The following ENDOD1 variants were observed in gnomAD, a reference collection of about 807,000 sequenced individuals.
ENDOD1 encodes endonuclease domain-containing 1 protein.
ENDOD1 carries 9 observed loss-of-function variants against 6.5 expected under a neutral mutation model. That is an observed-to-expected ratio of 1.39 (90% CI 0.84 to 2.43). The LOEUF (loss-of-function observed/expected upper bound fraction) is 2.43, where lower values mean the gene tolerates loss of function less well. Ranked by LOEUF, ENDOD1 falls within the 30% of genes most tolerant of loss-of-function variation. The pLI is 0.00. For missense variants in ENDOD1, 648 were observed against 635.5 expected, an observed-to-expected ratio of 1.02 and a Z score of -0.21; for synonymous variants, 255 against 255.2, an observed-to-expected ratio of 1.00 and a Z score of 0.01.
intron 1 of ENDOD1, among the ~76,000 whole-genome samples, chr11:95,119,329 T>C (rs376115670): frequency 6.6e-6 from 1 of 152,224 alleles, no homozygotes; most frequent in Non-Finnish European, 1.5e-5. Context: ...TCCAGAGATA[T>C]GAAAGGACTT....
intron 1 of ENDOD1, among the ~76,000 whole-genome samples, chr11:95,126,165 C>G (rs1446130444): frequency 6.6e-6 from 1 of 152,164 alleles, no homozygotes; most frequent in African/African-American, 2.4e-5. Context: ...AATATTCTTG[C>G]CTTTATACCA....
chr11:95,090,371 C>T, intron 1 of ENDOD1, 144 bp downstream of exon 1: 1 of 1,144,246 alleles, frequency 8.7e-7, no homozygotes, highest in Non-Finnish European at 1.1e-6. Flanking sequence ...ACCCGGGTTC[C>T]AGGTCCACCC....
At chr11:95,094,660 C>G (rs1435456309) in intron 1 of ENDOD1, among the ~76,000 whole-genome samples, 6 of 152,240 alleles carry the variant, frequency 3.9e-5, no homozygotes, top group African/African-American at 1.2e-4. Context: ...CCATCCATGG[C>G]TTATACAACC....
At chr11:95,123,795 C>T (rs566021631) in intron 1 of ENDOD1, among the ~76,000 whole-genome samples, 3 of 152,058 alleles carry the variant, frequency 2.0e-5, no homozygotes, top group Admixed American at 6.6e-5. Flanking sequence ...AGCATTTTTC[C>T]GGCTGGGCGT....
intron 1 of ENDOD1, among the ~76,000 whole-genome samples, chr11:95,101,214 T>C (rs538725736): frequency 2.9e-4 from 44 of 152,312 alleles, no homozygotes; most frequent in African/African-American, 9.4e-4. Context: ...AATACATAAA[T>C]GAATGAGTAT....
chr11:95,108,276 A>G lies in ENDOD1; in HGVS notation c.300+18049A>G, dbSNP rs567422382. Among the ~76,000 whole-genome samples the G allele has an allele frequency of 1.3e-4, 20 of 152,136 alleles. No homozygotes were observed. In the East Asian group the frequency reaches 2.3e-3, roughly 18 times the overall value. On this transcript the variant is annotated intron_variant, in intron 1 of 1. Coordinates refer to ENST00000278505, the MANE Select transcript of ENDOD1 (RefSeq NM_015036.3). Reference sequence around the variant, plus strand: ...TGACTCGGGAGAGAGCTCTTTAGCCATTTGTCTTTGTTTTCCCACAGTTTG... The same window carrying G: ...TGACTCGGGAGAGAGCTCTTTAGCCGTTTGTCTTTGTTTTCCCACAGTTTG...
chr11:95,118,187 A>G (rs1286896480), intron 1 of ENDOD1, among the ~76,000 whole-genome samples: 3 of 152,110 alleles, frequency 2.0e-5, no homozygotes, highest in Non-Finnish European at 2.9e-5. Flanking sequence ...TCTACTTAAG[A>G]TTAAGAGTAG....
chr11:95,093,824 G>A (rs1179393734), intron 1 of ENDOD1, among the ~76,000 whole-genome samples: 1 of 152,120 alleles, frequency 6.6e-6, no homozygotes, highest in Non-Finnish European at 1.5e-5. Flanking sequence ...CTGCTCTGCA[G>A]CCACTCCATC....
intron 1 of ENDOD1, among the ~76,000 whole-genome samples, chr11:95,090,442 T>C (rs1410201888): frequency 1.3e-5 from 2 of 148,152 alleles, no homozygotes; most frequent in Non-Finnish European, 3.0e-5. Flanking sequence ...AGCCTGGCGA[T>C]CTGCGAGCCT....
intron 1 of ENDOD1, among the ~76,000 whole-genome samples, chr11:95,121,063 T>C (rs1482373338): frequency 1.3e-5 from 2 of 152,232 alleles, no homozygotes; most frequent in Non-Finnish European, 2.9e-5. Context: ...GGGGTGGTGT[T>C]GCTCATTCAA....
At chr11:95,117,719 C>T (rs1362666168) in intron 1 of ENDOD1, among the ~76,000 whole-genome samples, 1 of 151,988 alleles carries the variant, frequency 6.6e-6, no homozygotes, top group Non-Finnish European at 1.5e-5. Flanking sequence ...CCATTCTGCC[C>T]ATTTGTGTCT....
intron 1 of ENDOD1, among the ~76,000 whole-genome samples, chr11:95,122,440 G>C (rs1234722303): frequency 6.7e-6 from 1 of 148,748 alleles, no homozygotes. Context: ...CACCATGTTG[G>C]CAGGCTGGTC....
chr11:95,095,720 A>T (rs1177586086), intron 1 of ENDOD1, among the ~76,000 whole-genome samples: 1 of 152,186 alleles, frequency 6.6e-6, no homozygotes, highest in Non-Finnish European at 1.5e-5. Context: ...TCTAGGTATT[A>T]TGACTTGTGT....
At chr11:95,105,173 T>C (rs1404656464) in intron 1 of ENDOD1, among the ~76,000 whole-genome samples, 1 of 152,198 alleles carries the variant, frequency 6.6e-6, no homozygotes, top group Non-Finnish European at 1.5e-5. Context: ...ACTCTCAAAA[T>C]AGTCTAACCA....
intron 1 of ENDOD1, among the ~76,000 whole-genome samples, chr11:95,101,218 T>C (rs1859037471): frequency 6.6e-6 from 1 of 152,182 alleles, no homozygotes; most frequent in Non-Finnish European, 1.5e-5. Context: ...CATAAATGAA[T>C]GAGTATGGCT....
At chr11:95,091,722 T>C (rs1397168517) in intron 1 of ENDOD1, among the ~76,000 whole-genome samples, 1 of 62,692 alleles carries the variant, frequency 1.6e-5, no homozygotes, top group African/African-American at 7.0e-5. Context: ...TGACTCCTGC[T>C]GTGTGCCAGA....
chr11:95,118,918 T>C (rs572135945), intron 1 of ENDOD1, among the ~76,000 whole-genome samples: 2 of 152,220 alleles, frequency 1.3e-5, no homozygotes, highest in Non-Finnish European at 2.9e-5. Flanking sequence ...ACTAATTCTT[T>C]CTTCTGTTTG....
chr11:95,117,248 A>G (rs1480387535), intron 1 of ENDOD1, among the ~76,000 whole-genome samples: 1 of 152,148 alleles, frequency 6.6e-6, no homozygotes, highest in Non-Finnish European at 1.5e-5. Context: ...GTCTCTACCA[A>G]AAATACAAAA....
At chr11:95,110,579 A>ATGTGTGGTGTGTGTGTG (rs1555111812) in intron 1 of ENDOD1, among the ~76,000 whole-genome samples, 164 of 135,256 alleles carry the variant, frequency 1.2e-3, no homozygotes, top group African/African-American at 4.2e-3. Flanking sequence ...AAGTCCGTGT[A>ATGTGTGGTGTGTGTGTG]TGTATGTGTG....
Sources: gnomAD v4.1 joint callset for allele counts (sites outside exome capture counted in the v4.1 genomes callset) on GRCh38, gnomAD v4.1.1 for gene constraint, MANE v1.5 for transcripts, NCBI Gene and HGNC (gene_info 2026-07-23, HGNC 2026-07-21) for gene names.